ADGRA3: variants seen among roughly 807,000 people sequenced by gnomAD.
ADGRA3 encodes the protein adhesion G protein-coupled receptor A3, also known as G-protein coupled receptor 125.
A neutral mutation model predicts 119.8 loss-of-function variants in ADGRA3; 56 were observed. The observed-to-expected ratio is 0.47, with a 90% CI of 0.38 to 0.58. The LOEUF is 0.58. Ranked by LOEUF, ADGRA3 falls within the 20% of genes least tolerant of loss-of-function variation. ADGRA3 has a pLI of 0.00. For missense variants in ADGRA3, 1,516 were observed against 1,649.0 expected, an observed-to-expected ratio of 0.92 and a Z score of 1.40; for synonymous variants, 607 against 623.8, an observed-to-expected ratio of 0.97 and a Z score of 0.40.
In ADGRA3 at chr4:22,442,703, C is replaced by T. The variant is rs778353681; in HGVS notation, c.867G>A (p.Ser289=). 4.0e-5 allele frequency: 65 copies of T among 1,613,250 alleles called. No homozygotes were observed. Among genetic ancestry groups the T allele is most frequent in the South Asian group, 8.8e-5 (8 of 91,038 alleles). Reference sequence around the variant, plus strand: ...TGTTCTTTTCAACAAAAATACCTTGCGATTCATCGGTTTCAACTATTCTCC... The same window carrying T: ...TGTTCTTTTCAACAAAAATACCTTGTGATTCATCGGTTTCAACTATTCTCC... ...QDGRIVETDE[S]QGIFVEKNMI... Residue 289 remains serine, a synonymous_variant, in exon 7 of 19, where the codon TCG becomes TCA. Transcript: ENST00000334304.
Position 22,392,007 on chromosome 4 carries a change from A to G in ADGRA3, c.2627+538T>C, listed in dbSNP as rs547204137. ...ACTATAAACTCCCAAAGGGCAAGGG[A>G]GTCTTCTGTAAATCCCTGGCCCAGG... On this transcript the variant is annotated intron_variant, in intron 17 of 18. Transcript: ENST00000334304. 1.3e-3 allele frequency among the ~76,000 whole-genome samples: 197 copies of G among 152,292 alleles called. 6 individuals carry two copies. In the South Asian group the frequency reaches 0.036, roughly 28 times the overall value.
intron 1 of ADGRA3, among the ~76,000 whole-genome samples, chr4:22,504,044 T>C (rs1376608997): frequency 6.6e-6 from 1 of 152,050 alleles, no homozygotes; most frequent in Non-Finnish European, 1.5e-5. Context: ...AAAAAGGGCT[T>C]AATAAAAATT....
chr4:22,482,204 G>C (rs1718278293), intron 1 of ADGRA3, among the ~76,000 whole-genome samples: 1 of 152,132 alleles, frequency 6.6e-6, no homozygotes, highest in African/African-American at 2.4e-5. Context: ...TCAGGCATTT[G>C]TGTATCTACC....
At chr4:22,413,541 C>T in intron 13 of ADGRA3, 60 bp downstream of exon 13, 1 of 1,481,938 alleles carries the variant, frequency 6.7e-7, no homozygotes, top group Non-Finnish European at 9.4e-7. Flanking sequence ...TTTTTAGGAA[C>T]AGTCAACTAC....
At chr4:22,514,805 T>G (rs767621716) in intron 1 of ADGRA3, among the ~76,000 whole-genome samples, 13 of 152,108 alleles carry the variant, frequency 8.5e-5, no homozygotes, top group Non-Finnish European at 1.9e-4. Context: ...GTTACCAAAA[T>G]TTTTCCTTCC....
intron 3 of ADGRA3, among the ~76,000 whole-genome samples, chr4:22,461,492 G>T (rs1577362558): frequency 6.6e-6 from 1 of 152,130 alleles, no homozygotes; most frequent in African/African-American, 2.4e-5. Flanking sequence ...TAGAGACGGG[G>T]TTTCACCACC....
At chr4:22,501,536 A>C (rs907999166) in intron 1 of ADGRA3, among the ~76,000 whole-genome samples, 2 of 151,848 alleles carry the variant, frequency 1.3e-5, no homozygotes, top group African/African-American at 4.8e-5. Context: ...TGTTATACTC[A>C]CCTCCCAAAA....
chr4:22,450,067 G>T (rs1716978192), intron 4 of ADGRA3, among the ~76,000 whole-genome samples: 1 of 152,112 alleles, frequency 6.6e-6, no homozygotes, highest in African/African-American at 2.4e-5. Context: ...TTGGATTTGG[G>T]GGGACATAAG....
chr4:22,445,142 T>G lies in ADGRA3; in HGVS notation c.546-9A>C, dbSNP rs1295291863. On this transcript the variant is annotated splice_polypyrimidine_tract_variant and intron_variant, in intron 5 of 18. Coordinates refer to ENST00000334304, the MANE Select transcript of ADGRA3 (RefSeq NM_145290.4). ...ACTCAGTCTGGAATTCCCTGTAACA[T>G]GCAAATACAACTTAGAGATTATAGT... is the stretch of plus-strand genomic sequence containing the variant. 4 of 1,612,526 alleles carry G rather than the reference T, an allele frequency of 2.5e-6. No homozygotes were observed.
chr4:22,400,482 GA>G (rs1479810441), intron 16 of ADGRA3, among the ~76,000 whole-genome samples: 7 of 152,134 alleles, frequency 4.6e-5, no homozygotes, highest in African/African-American at 1.7e-4. Flanking sequence ...TGAGGTATCT[GA>G]AGTAGTCACA....
intron 1 of ADGRA3, among the ~76,000 whole-genome samples, chr4:22,507,814 A>G (rs1577390812): frequency 6.6e-6 from 1 of 152,194 alleles, no homozygotes; most frequent in Admixed American, 6.5e-5. Flanking sequence ...TTCCCAACAC[A>G]GTCTATGCGT....
At chr4:22,418,357 C>T (rs752479447) in intron 12 of ADGRA3, among the ~76,000 whole-genome samples, 4 of 152,026 alleles carry the variant, frequency 2.6e-5, no homozygotes, top group South Asian at 2.1e-4. Flanking sequence ...ATGGGAAAAA[C>T]GGGAAGAAAA....
chr4:22,397,228 C>T (rs1275824661), intron 16 of ADGRA3, among the ~76,000 whole-genome samples: 1 of 135,322 alleles, frequency 7.4e-6, no homozygotes, highest in African/African-American at 2.9e-5. Context: ...TGTCATCAGG[C>T]AGGAGTGCAG....
In ADGRA3 at chr4:22,396,147, G is replaced by A. The variant is rs1714339931; in HGVS notation, c.2482-3457C>T. 4.6e-5 allele frequency among the ~76,000 whole-genome samples: 7 copies of A among 152,172 alleles called. No individual in the cohort carries two copies. The South Asian group carries it at 1.5e-3, about 32-fold the overall frequency. On this transcript the variant is annotated intron_variant, in intron 16 of 18. Transcript: ENST00000334304. ...AGATCCCTTCCAGACTTGAGTCAAC[G>A]GCCCTTGCACTTCGTCACTCAACTT...
At chr4:22,514,938 T>A (rs899770929) in intron 1 of ADGRA3, among the ~76,000 whole-genome samples, 1 of 152,194 alleles carries the variant, frequency 6.6e-6, no homozygotes, top group Non-Finnish European at 1.5e-5. Context: ...AAAACGGGAC[T>A]GCAAGGTACA....
intron 10 of ADGRA3, among the ~76,000 whole-genome samples, chr4:22,425,816 C>T (rs1283363187): frequency 6.6e-6 from 1 of 152,138 alleles, no homozygotes; most frequent in African/African-American, 2.4e-5. Flanking sequence ...GTTCACTTTA[C>T]AAAAAAGTCA....
At chr4:22,438,153 T>A (rs1431765366) in intron 8 of ADGRA3, 103 bp downstream of exon 8, 1 of 833,786 alleles carries the variant, frequency 1.2e-6, no homozygotes, top group Non-Finnish European at 1.9e-6. Flanking sequence ...CATGTGCAGT[T>A]CTCAAATTTT....
intron 1 of ADGRA3, among the ~76,000 whole-genome samples, chr4:22,490,221 G>A (rs1718574844): frequency 6.6e-6 from 1 of 150,712 alleles, no homozygotes; most frequent in East Asian, 2.0e-4. Flanking sequence ...TGCCATAGTA[G>A]ATATCTTTCA....
At chr4:22,461,457 T>C (rs1717449779) in intron 3 of ADGRA3, among the ~76,000 whole-genome samples, 1 of 152,162 alleles carries the variant, frequency 6.6e-6, no homozygotes, top group Admixed American at 6.5e-5. Context: ...CACACCACCA[T>C]GCCAGCTCAT....
Sources: allele counts gnomAD v4.1 joint callset (sites outside exome capture counted in the v4.1 genomes callset), GRCh38; gene constraint gnomAD v4.1.1; transcripts MANE v1.5; gene names NCBI Gene and HGNC (gene_info 2026-07-23, HGNC 2026-07-21).